Variants in SUCO observed in about 807,000 individuals in gnomAD.
SUCO encodes SUN domain containing ossification factor.
Under a neutral mutation model 148.1 loss-of-function variants are expected in SUCO, and 57 were observed. That is an observed-to-expected ratio of 0.38 (90% CI 0.31 to 0.48). SUCO has a LOEUF of 0.48. Among genes scored for constraint, SUCO ranks in the 20% least tolerant of loss-of-function variants. SUCO has a pLI of 0.96. For missense variants in SUCO, 1,331 were observed against 1,468.2 expected, an observed-to-expected ratio of 0.91 and a Z score of 1.53; for synonymous variants, 470 against 502.7, an observed-to-expected ratio of 0.93 and a Z score of 0.87.
chr1:172,606,911 T>A (rs1477344196), intron 22 of SUCO, among the ~76,000 whole-genome samples: 3 of 151,938 alleles, frequency 2.0e-5, no homozygotes, highest in African/African-American at 7.2e-5. Context: ...GTATTTTGGA[T>A]GATATCTTCT....
rs1012084413 is a variant in SUCO at position 172,533,151 on chromosome 1, T to A, written c.-285T>A. The A allele has an allele frequency of 6.9e-7, 1 of 1,459,216 alleles. No homozygotes were observed. Among genetic ancestry groups the A allele is most frequent in the African/African-American group, 1.4e-5 (1 of 69,518 alleles). The allele number at this position is 1,459,216 out of a possible 1,614,324, so 90.4% of individuals were successfully genotyped here. ...AGGCCCCCGGCGGGCGGGGAGGATATGGGGCGGCAGTGGCGGCTGCAGGAG... is the reference window on the plus strand; with the variant it reads ...AGGCCCCCGGCGGGCGGGGAGGATAAGGGGCGGCAGTGGCGGCTGCAGGAG... On this transcript the variant is annotated 5_prime_UTR_variant, in exon 1 of 24. It removes an upstream start codon present in the reference 5' UTR. Coordinates refer to ENST00000263688, the MANE Select transcript of SUCO (RefSeq NM_014283.5).
At chr1:172,540,726 G>C (rs1352041534) in intron 1 of SUCO, among the ~76,000 whole-genome samples, 2 of 152,162 alleles carry the variant, frequency 1.3e-5, no homozygotes, top group Admixed American at 1.3e-4. Context: ...TTGATAACAT[G>C]AATAATGGCT....
At chr1:172,544,014 AC>A (rs1171964143) in intron 1 of SUCO, 1 of 184,744 alleles carries the variant, frequency 5.4e-6, no homozygotes, top group East Asian at 1.9e-4. Context: ...CCAGTGTTTG[AC>A]CAAAATGGCT....
At chr1:172,602,669 C>T (rs1657607310) in intron 21 of SUCO, 27 bp from the exon 22 acceptor site, 5 of 1,606,904 alleles carry the variant, frequency 3.1e-6, no homozygotes, top group Non-Finnish European at 4.2e-6. Flanking sequence ...TCGTTGTAAC[C>T]AATATGTATT....
intron 17 of SUCO, among the ~76,000 whole-genome samples, chr1:172,587,733 T>A (rs1207684309): frequency 2.6e-5 from 4 of 152,170 alleles, no homozygotes; most frequent in Non-Finnish European, 1.5e-5. Context: ...ACATTAGTCT[T>A]TATTTGAAGA....
chr1:172,594,039 C>A (rs1377750003), intron 19 of SUCO, among the ~76,000 whole-genome samples: 1 of 152,160 alleles, frequency 6.6e-6, no homozygotes, highest in Non-Finnish European at 1.5e-5. Context: ...TCCATTTCTT[C>A]TGGATTTTCT....
chr1:172,560,428 C>T (rs1163082983), intron 6 of SUCO, among the ~76,000 whole-genome samples: 1 of 152,146 alleles, frequency 6.6e-6, no homozygotes, highest in Non-Finnish European at 1.5e-5. Flanking sequence ...ACATACTCTA[C>T]CTTGTTCAGC....
At position 172,573,996 on chromosome 1, in the gene SUCO, C is replaced by G; in HGVS notation, c.1155C>G (p.Asp385Glu). 2 of 1,527,882 alleles carry G rather than the reference C, an allele frequency of 1.3e-6. No homozygotes were observed. Among genetic ancestry groups the G allele is most frequent in the Non-Finnish European group, 1.8e-6 (2 of 1,107,012 alleles). The allele number at this position is 1,527,882 out of a possible 1,614,324, so 94.6% of individuals were successfully genotyped here. A position where few individuals can be genotyped will look rare whatever the true frequency, so the allele number is the denominator to read the frequency against. The change falls in exon 10 of 24, where the codon GAC (aspartate) becomes GAG (glutamate). Residue 385 changes from aspartate to glutamate, a missense_variant and splice_region_variant. Asp to Glu is a conservative substitution (Grantham distance 45). Around this residue, in one of 3 missense-constraint regions of SUCO, gnomAD observed 992 missense variants for 1,093.5 expected, o/e 0.91. Transcript: ENST00000263688. ...AAGATTTTCTGGTTTCTATCAGTGA[C>G]AGGTAAATTCTAAAGCTGTTTCTAT... ...TPKDFLVSIS[D>E]RYPTNKWIKL...
chr1:172,585,158 A>T (rs1656149535), intron 16 of SUCO, 72 bp downstream of exon 16: 1 of 1,205,320 alleles, frequency 8.3e-7, no homozygotes, highest in African/African-American at 1.5e-5. Context: ...AAAATCAAGT[A>T]ATGAGTTAAG....
chr1:172,609,548 A>G, intron 23 of SUCO: 1 of 982,734 alleles, frequency 1.0e-6, no homozygotes, highest in Non-Finnish European at 1.2e-6. Context: ...GTTAGTAGGT[A>G]TTCAGATATT....
intron 3 of SUCO, 31 bp from the exon 4 acceptor site, chr1:172,555,838 T>C (rs1653707009): frequency 6.4e-7 from 1 of 1,556,938 alleles, no homozygotes; most frequent in Non-Finnish European, 8.7e-7. Flanking sequence ...AATCTCAACA[T>C]TTAATTTAGC....
intron 17 of SUCO, among the ~76,000 whole-genome samples, chr1:172,587,484 CCTT>C (rs1390219262): frequency 6.6e-6 from 1 of 151,936 alleles, no homozygotes; most frequent in African/African-American, 2.4e-5. Context: ...TTCTCTCTCC[CCTT>C]CTTCAGACAT....
intron 1 of SUCO, among the ~76,000 whole-genome samples, chr1:172,548,011 AT>A (rs543819815): frequency 3.3e-5 from 5 of 151,368 alleles, no homozygotes; most frequent in East Asian, 1.9e-4. Flanking sequence ...GCATTTGTAG[AT>A]TTTTTTTTGT....
rs188835074 is a variant in SUCO at position 172,594,592 on chromosome 1, G to A, written c.2913+3521G>A. Among the ~76,000 whole-genome samples, 637 of 152,288 alleles carry A rather than the reference G, an allele frequency of 4.2e-3. 4 individuals carry two copies. Among genetic ancestry groups the A allele is most frequent in the South Asian group, 0.018 (87 of 4,812 alleles). On this transcript the variant is annotated intron_variant, in intron 19 of 23. Transcript: ENST00000263688. ...AGTTTCCATGTAGTTGAGCAGTTTT[G>A]AGTGAGTTTCTTAATCCTGAGTTCT...
At chr1:172,575,741 C>T (rs1207124698) in intron 11 of SUCO, 118 bp downstream of exon 11, 10 of 553,184 alleles carry the variant, frequency 1.8e-5, no homozygotes, top group Non-Finnish European at 2.8e-5. Flanking sequence ...CACTATACCA[C>T]TTAATAGATA....
At chr1:172,569,606 T>C (rs1285480542) in intron 7 of SUCO, 1 of 677,072 alleles carries the variant, frequency 1.5e-6, no homozygotes, top group Admixed American at 6.3e-5. Flanking sequence ...TTATTCCCTG[T>C]GTGATGGGTT....
intron 6 of SUCO, chr1:172,568,587 C>A (rs148102551): frequency 3.8e-6 from 1 of 263,838 alleles, no homozygotes; most frequent in Non-Finnish European, 5.9e-6. Context: ...TTTGTGTACA[C>A]AGTGTTTCTT....
Position 172,589,071 on chromosome 1 carries a change from A to T in SUCO, c.1970A>T (p.Asp657Val). Residue 657 changes from aspartate (D) to valine (V), a missense_variant, in exon 18 of 24, where the codon GAT (aspartate) becomes GTT (valine). Coordinates refer to ENST00000263688, the MANE Select transcript of SUCO (RefSeq NM_014283.5). ...RSRTALSKGKDYLVLAQPPLL... is the reference protein window; with the variant it reads ...RSRTALSKGKVYLVLAQPPLL... ...CGAACTGCTTTGAGTAAAGGAAAAG[A>T]TTATCTTGTGTTAGCTCAACCACCC... is the stretch of plus-strand genomic sequence containing the variant. The T allele has an allele frequency of 5.0e-6, 8 of 1,613,784 alleles. No homozygotes were observed. Among genetic ancestry groups the T allele is most frequent in the Non-Finnish European group, 6.8e-6 (8 of 1,179,858 alleles).
At chr1:172,539,893 C>T (rs1490157916) in intron 1 of SUCO, among the ~76,000 whole-genome samples, 1 of 152,114 alleles carries the variant, frequency 6.6e-6, no homozygotes, top group Non-Finnish European at 1.5e-5. Flanking sequence ...GACTTGAGCT[C>T]TGTATATAAG....
Sources: allele counts gnomAD v4.1 joint callset (sites outside exome capture counted in the v4.1 genomes callset), GRCh38; gene constraint gnomAD v4.1.1; regional missense constraint gnomAD v4.1.1; transcripts MANE v1.5; gene names NCBI Gene and HGNC (gene_info 2026-07-23, HGNC 2026-07-21).